The following ZFHX3 variants were observed in gnomAD, a reference collection of about 807,000 sequenced individuals.
ZFHX3 encodes zinc finger homeobox 3.
A neutral mutation model predicts 279.1 loss-of-function variants in ZFHX3; 42 were observed. That is an observed-to-expected ratio of 0.15 (90% CI 0.12 to 0.19). The LOEUF (loss-of-function observed/expected upper bound fraction) is 0.19, where lower values mean the gene tolerates loss of function less well. ZFHX3 is among the 10% of genes least tolerant of loss of function. The pLI is 1.00. For synonymous variants in ZFHX3, 2,293 were observed against 1,957.8 expected (o/e 1.17, Z -4.52); for missense variants, 4,981 against 4,754.0 (o/e 1.05, Z -1.40).
chr16:73,525,026 C>T (rs1456556817), intron 2 of ZFHX3, among the ~76,000 whole-genome samples: 3 of 152,138 alleles, frequency 2.0e-5, no homozygotes, highest in Non-Finnish European at 4.4e-5. Flanking sequence ...GGTAGAAACC[C>T]CCATGCCGTA....
chr16:73,599,661 T>C (rs2052089928), intron 2 of ZFHX3, among the ~76,000 whole-genome samples: 1 of 151,352 alleles, frequency 6.6e-6, no homozygotes, highest in Admixed American at 6.6e-5. Flanking sequence ...TCATCAAAAA[T>C]GATGGCAGCT....
At chr16:73,260,290 G>C (rs894849060) in intron 4 of ZFHX3, among the ~76,000 whole-genome samples, 4 of 152,176 alleles carry the variant, frequency 2.6e-5, no homozygotes, top group African/African-American at 4.8e-5. Flanking sequence ...TGCTTGGTTA[G>C]AGTGGTGTCT....
At chr16:73,675,794 T>C (rs1313026765) in intron 2 of ZFHX3, among the ~76,000 whole-genome samples, 1 of 151,754 alleles carries the variant, frequency 6.6e-6, no homozygotes, top group African/African-American at 2.4e-5. Flanking sequence ...TATCTAGGCA[T>C]AGAAAAAAAC....
At chr16:73,621,495 C>G (rs2052362153) in intron 2 of ZFHX3, among the ~76,000 whole-genome samples, 1 of 152,084 alleles carries the variant, frequency 6.6e-6, no homozygotes, top group African/African-American at 2.4e-5. Flanking sequence ...AACAGATATT[C>G]TAGTTAATTT....
chr16:73,052,434 G>A (rs2144728719), upstream of ZFHX3, among the ~76,000 whole-genome samples: 1 of 151,936 alleles, frequency 6.6e-6, no homozygotes, highest in South Asian at 2.1e-4. Context: ...GACAAAAGAT[G>A]ACCTTTTTCA....
At chr16:72,866,235 G>C (rs758028332) in intron 4 of ZFHX3, among the ~76,000 whole-genome samples, 6 of 152,180 alleles carry the variant, frequency 3.9e-5, no homozygotes, top group Non-Finnish European at 7.3e-5. Context: ...GGGAGGGTCA[G>C]AAAGAAGGTT....
At chr16:73,443,490 T>G (rs1480401446) in intron 3 of ZFHX3, among the ~76,000 whole-genome samples, 1 of 152,208 alleles carries the variant, frequency 6.6e-6, no homozygotes, top group East Asian at 1.9e-4. Context: ...ACAAGATCCC[T>G]TGGAGATCCA....
chr16:72,892,255 A>G (rs946094194), intron 3 of ZFHX3, among the ~76,000 whole-genome samples: 1 of 152,224 alleles, frequency 6.6e-6, no homozygotes, highest in Non-Finnish European at 1.5e-5. Context: ...ATCCCACAGG[A>G]AATCTTGCCA....
intron 2 of ZFHX3, among the ~76,000 whole-genome samples, chr16:73,511,299 C>A (rs879749735): frequency 6.6e-6 from 1 of 152,182 alleles, no homozygotes; most frequent in Non-Finnish European, 1.5e-5. Flanking sequence ...GTCTCTTTCC[C>A]ACCATGACCT....
intron 3 of ZFHX3, among the ~76,000 whole-genome samples, chr16:72,906,527 G>A (rs1418160993): frequency 1.3e-5 from 2 of 152,146 alleles, no homozygotes; most frequent in Non-Finnish European, 2.9e-5. Context: ...CGGGCATGGT[G>A]GCTCACACCT....
intron 5 of ZFHX3, among the ~76,000 whole-genome samples, chr16:73,224,944 C>T (rs1438861840): frequency 6.6e-6 from 1 of 152,092 alleles, no homozygotes; most frequent in African/African-American, 2.4e-5. Flanking sequence ...ACTTCAATCA[C>T]CTGCCTATCA....
chr16:73,693,663 G>A (rs1056384160), intron 1 of ZFHX3, among the ~76,000 whole-genome samples: 1 of 152,118 alleles, frequency 6.6e-6, no homozygotes, highest in African/African-American at 2.4e-5. Context: ...CACAAACTCG[G>A]GTTCTTAGAG....
At chr16:73,879,079 A>C (rs905215433) in intron 1 of ZFHX3, among the ~76,000 whole-genome samples, 1 of 151,394 alleles carries the variant, frequency 6.6e-6, no homozygotes, top group African/African-American at 2.4e-5. Context: ...GCTTCTTCCA[A>C]CTTCTCTTGA....
intron 2 of ZFHX3, among the ~76,000 whole-genome samples, chr16:73,623,455 G>A (rs2052387307): frequency 6.6e-6 from 1 of 152,130 alleles, no homozygotes; most frequent in Non-Finnish European, 1.5e-5. Context: ...TCCCCAAGGG[G>A]TGGCTGCCTT....
intron 1 of ZFHX3, among the ~76,000 whole-genome samples, chr16:73,756,524 A>C (rs917285754): frequency 6.6e-6 from 1 of 152,168 alleles, no homozygotes; most frequent in African/African-American, 2.4e-5. Context: ...AGACAAATGC[A>C]CAGGCAGATT....
intron 8 of ZFHX3, among the ~76,000 whole-genome samples, chr16:73,084,314 T>C (rs1965983795): frequency 6.6e-6 from 1 of 152,180 alleles, no homozygotes; most frequent in South Asian, 2.1e-4. Flanking sequence ...TTACTGTTTG[T>C]AGATGACCTA....
chr16:73,446,445 C>T (rs147756191), intron 3 of ZFHX3, among the ~76,000 whole-genome samples: 1 of 152,298 alleles, frequency 6.6e-6, no homozygotes, highest in Non-Finnish European at 1.5e-5. Flanking sequence ...CATCAGATCT[C>T]ATAAAAGAAC....
At chr16:73,837,787 C>T (rs933430619) in intron 1 of ZFHX3, among the ~76,000 whole-genome samples, 2 of 152,200 alleles carry the variant, frequency 1.3e-5, no homozygotes, top group African/African-American at 4.8e-5. Flanking sequence ...CAGGCATGCG[C>T]CACCACGCCC....
At chr16:73,845,267 C>T (rs1016967012) in intron 1 of ZFHX3, among the ~76,000 whole-genome samples, 15 of 152,158 alleles carry the variant, frequency 9.9e-5, no homozygotes, top group Middle Eastern at 6.8e-3. Context: ...TTTGAAGAGC[C>T]AGACGTTTTT....
Sources: allele counts gnomAD v4.1 joint callset (sites outside exome capture counted in the v4.1 genomes callset), GRCh38; gene constraint gnomAD v4.1.1; transcripts MANE v1.5; gene names NCBI Gene and HGNC (gene_info 2026-07-23, HGNC 2026-07-21).